Variants in MAP3K5 observed in about 807,000 individuals in gnomAD.
MAP3K5 encodes the protein mitogen-activated protein kinase kinase kinase 5, also known as ASK-1.
Under a neutral mutation model 158.7 loss-of-function variants are expected in MAP3K5, and 56 were observed. The observed-to-expected ratio is 0.35, with a 90% CI of 0.28 to 0.44. MAP3K5 has a LOEUF of 0.44. Ranked by LOEUF, MAP3K5 falls within the 20% of genes least tolerant of loss-of-function variation. The pLI, the probability that MAP3K5 is intolerant of heterozygous loss-of-function variation, is 1.00. For synonymous variants in MAP3K5, 579 were observed against 601.7 expected, an observed-to-expected ratio of 0.96 and a Z score of 0.55; for missense variants, 1,294 against 1,674.8, an observed-to-expected ratio of 0.77 and a Z score of 3.97.
rs1326299905 is a variant in MAP3K5 at position 136,592,131 on chromosome 6, T to C, written c.3225+42A>G. On this transcript the variant is annotated intron_variant, in intron 23 of 29. Coordinates refer to ENST00000359015, the MANE Select transcript of MAP3K5 (RefSeq NM_005923.4). Reference sequence around the variant, plus strand: ...GCAGGCGGTTAGGACACAGATAAAATATGTAACCTTTGGGAAATGAAGCAC... The same window carrying C: ...GCAGGCGGTTAGGACACAGATAAAACATGTAACCTTTGGGAAATGAAGCAC... 6 of 1,515,388 alleles carry C rather than the reference T, an allele frequency of 4.0e-6. No individual in the cohort carries two copies. The Admixed American group carries it at 6.6e-5, about 17-fold the overall frequency. 93.9% of individuals were successfully genotyped at this position (1,515,388 alleles called of 1,614,324 possible).
In MAP3K5 at chr6:136,613,265, T is replaced by C; in HGVS notation, c.2279-9A>G. ...GAGAGCAGAAAGACTTCCTGTAAAG[T>C]AGGGATAAATAGTAAATAAATCCTC... On this transcript the variant is annotated splice_polypyrimidine_tract_variant and intron_variant, in intron 16 of 29. Transcript: ENST00000359015. The surrounding 1 kb of genome is among the most constrained non-coding windows in gnomAD (Gnocchi z 4.0). 1 of 1,606,476 alleles carries C rather than the reference T, an allele frequency of 6.2e-7. No individual in the cohort carries two copies. The highest frequency in any genetic ancestry group is 1.1e-5 in the South Asian group (1 of 89,700).
chr6:136,580,218 A>C (rs1583214134), intron 25 of MAP3K5, 83 bp downstream of exon 25: 1 of 913,414 alleles, frequency 1.1e-6, no homozygotes, highest in East Asian at 2.4e-5. Context: ...TAAAGTACTA[A>C]GGTGATATCA....
intron 14 of MAP3K5, among the ~76,000 whole-genome samples, chr6:136,628,429 G>A (rs1251425554): frequency 1.3e-5 from 2 of 151,742 alleles, no homozygotes; most frequent in Non-Finnish European, 2.9e-5. Flanking sequence ...TTTTTAAAGA[G>A]ATGGAGTCCT....
intron 21 of MAP3K5, 131 bp from the exon 22 acceptor site, chr6:136,592,745 T>A (rs745426924): frequency 1.2e-6 from 1 of 829,768 alleles, no homozygotes; most frequent in Non-Finnish European, 2.0e-6. Flanking sequence ...TTATGCTATG[T>A]AAGGGAACGG....
At chr6:136,593,733 GAA>G (rs1775500357) in intron 21 of MAP3K5, 2 of 259,886 alleles carry the variant, frequency 7.7e-6, no homozygotes, top group Non-Finnish European at 1.5e-5. Context: ...AAAAAAAAAA[GAA>G]AGTGGTTTTT....
intron 18 of MAP3K5, among the ~76,000 whole-genome samples, chr6:136,610,793 C>A (rs1583270083): frequency 1.3e-5 from 2 of 151,714 alleles, no homozygotes; most frequent in South Asian, 4.2e-4. Flanking sequence ...TTCTGTAACA[C>A]ATTTTTCAGT....
chr6:136,710,147 T>C (rs1781248017), intron 2 of MAP3K5, among the ~76,000 whole-genome samples: 3 of 152,214 alleles, frequency 2.0e-5, no homozygotes, highest in African/African-American at 2.4e-5. Flanking sequence ...AAATAAGACC[T>C]TGAAAGGTAT....
intron 7 of MAP3K5, among the ~76,000 whole-genome samples, chr6:136,691,784 C>G (rs1467733119): frequency 6.6e-6 from 1 of 152,068 alleles, no homozygotes; most frequent in African/African-American, 2.4e-5. Context: ...GATTTGATGA[C>G]ATTTCAACTT....
chr6:136,717,924 ATG>A (rs1583470544), intron 2 of MAP3K5, among the ~76,000 whole-genome samples: 1 of 152,208 alleles, frequency 6.6e-6, no homozygotes, highest in Non-Finnish European at 1.5e-5. Context: ...AAAAAGAAGG[ATG>A]TTACCTAGGA....
At chr6:136,570,166 C>G (rs1233555367) in intron 25 of MAP3K5, among the ~76,000 whole-genome samples, 1 of 152,116 alleles carries the variant, frequency 6.6e-6, no homozygotes, top group Non-Finnish European at 1.5e-5. Flanking sequence ...AATGGAGGAC[C>G]CCATCCCACC....
chr6:136,633,411 T>A (rs1168185596), intron 14 of MAP3K5, among the ~76,000 whole-genome samples: 1 of 147,322 alleles, frequency 6.8e-6, no homozygotes, highest in Non-Finnish European at 1.5e-5. Context: ...AAAAATAAAA[T>A]AAAATAAATA....
At chr6:136,729,638 T>A (rs936215006) in intron 1 of MAP3K5, among the ~76,000 whole-genome samples, 3 of 152,220 alleles carry the variant, frequency 2.0e-5, no homozygotes, top group Admixed American at 6.5e-5. Flanking sequence ...AAAGCCAACA[T>A]AAAGAATTTT....
intron 1 of MAP3K5, among the ~76,000 whole-genome samples, chr6:136,754,269 T>TAA (rs374693237): frequency 1.8e-4 from 24 of 131,952 alleles, no homozygotes; most frequent in Admixed American, 1.0e-3. Context: ...CAAGACTCGA[T>TAA]AAAAAAAAAA....
At chr6:136,651,518 T>C (rs1434320537) in intron 10 of MAP3K5, among the ~76,000 whole-genome samples, 1 of 152,220 alleles carries the variant, frequency 6.6e-6, no homozygotes, top group Non-Finnish European at 1.5e-5. Flanking sequence ...TTTTCTGCTA[T>C]CACACTTTAT....
At chr6:136,726,247 T>C (rs2114804448) in intron 1 of MAP3K5, among the ~76,000 whole-genome samples, 1 of 152,332 alleles carries the variant, frequency 6.6e-6, no homozygotes, top group Admixed American at 6.5e-5. Flanking sequence ...TGATTGGAAT[T>C]GTGTTGCATC....
intron 1 of MAP3K5, among the ~76,000 whole-genome samples, chr6:136,721,649 A>G (rs555016596): frequency 6.6e-6 from 1 of 152,362 alleles, no homozygotes; most frequent in African/African-American, 2.4e-5. Context: ...AGGATAGCTC[A>G]ATGGAAAAAA....
intron 1 of MAP3K5, among the ~76,000 whole-genome samples, chr6:136,743,292 T>C (rs1250375470): frequency 6.6e-6 from 1 of 151,654 alleles, no homozygotes; most frequent in Non-Finnish European, 1.5e-5. Context: ...CTACTAAAAA[T>C]ACAAAAAATT....
chr6:136,770,320 G>C (rs571106807), intron 1 of MAP3K5, among the ~76,000 whole-genome samples: 155 of 152,224 alleles, frequency 1.0e-3, no homozygotes, highest in African/African-American at 3.3e-3. Context: ...GGGCAAAGTA[G>C]AAAAGGTTAA....
At chr6:136,714,767 T>G (rs1049568234) in intron 2 of MAP3K5, among the ~76,000 whole-genome samples, 2 of 152,184 alleles carry the variant, frequency 1.3e-5, no homozygotes, top group Non-Finnish European at 2.9e-5. Flanking sequence ...TTTAATGTTT[T>G]GGGGAGCTGC....
Sources: allele counts gnomAD v4.1 joint callset (sites outside exome capture counted in the v4.1 genomes callset), GRCh38; gene constraint gnomAD v4.1.1; non-coding constraint Gnocchi (gnomAD v3.1); transcripts MANE v1.5; gene names NCBI Gene and HGNC (gene_info 2026-07-23, HGNC 2026-07-21).